The following GYG2 variants were observed in gnomAD, a reference collection of about 807,000 sequenced individuals.
GYG2 encodes glycogenin 2, also known as glycogenin-2.
In GYG2, 29 loss-of-function variants were observed where a neutral mutation model predicts 29.4. The observed-to-expected ratio is 0.99, with a 90% CI of 0.74 to 1.35. The LOEUF (loss-of-function observed/expected upper bound fraction) is 1.35. Ranked by LOEUF, GYG2 falls within the 40% of genes most tolerant of loss-of-function variation. GYG2 has a pLI of 0.00. For missense variants in GYG2, 370 were observed against 385.7 expected, an observed-to-expected ratio of 0.96 and a Z score of 0.34; for synonymous variants, 167 against 172.3, an observed-to-expected ratio of 0.97 and a Z score of 0.24.
intron 8 of GYG2, among the ~76,000 whole-genome samples, chrX:2,869,935 C>T (rs1379695458): frequency 8.9e-6 from 1 of 112,477 alleles, no homozygotes. Flanking sequence ...GGCCACCGTG[C>T]CTGCCCCAGA....
chrX:2,879,985 ATGGT>A (rs770968946), intron 10 of GYG2, among the ~76,000 whole-genome samples: 3 of 112,101 alleles, frequency 2.7e-5, no homozygotes, highest in African/African-American at 9.7e-5. Flanking sequence ...TAGATAATAG[ATGGT>A]TGGTAGATGA....
intron 2 of GYG2, among the ~76,000 whole-genome samples, chrX:2,842,777 T>C (rs1403497625): frequency 1.6e-4 from 17 of 109,523 alleles, no homozygotes; most frequent in African/African-American, 5.6e-4. Flanking sequence ...AGGAAGCATG[T>C]ATGCGAATTA....
rs895979983 is a variant in GYG2 at position 2,854,895 on chromosome X, G to A, written c.325-98G>A. ...CGCAGTGAGCCGAGACTGAAGCACT[G>A]CACTCCAGCCTGGGCGACAGAGCAA... On this transcript the variant is annotated intron_variant, in intron 4 of 10. Coordinates refer to ENST00000398806, the MANE Select transcript of GYG2 (RefSeq NM_001079855.2). The A allele has an allele frequency of 1.6e-4, 159 of 988,763 alleles. 1 individual carries two copies. The highest frequency in any genetic ancestry group is 2.1e-4 in the Non-Finnish European group (147 of 714,586). 81.5% of individuals were successfully genotyped at this position (988,763 alleles called of 1,213,427 possible).
chrX:2,866,998 C>T (rs1176154911), intron 8 of GYG2, among the ~76,000 whole-genome samples: 2 of 110,031 alleles, frequency 1.8e-5, no homozygotes, highest in African/African-American at 3.3e-5. Context: ...GGAGAATCGC[C>T]GGTTTCCAGG....
chrX:2,867,006 A>C (rs1305183485), intron 8 of GYG2, among the ~76,000 whole-genome samples: 3 of 110,155 alleles, frequency 2.7e-5, no homozygotes, highest in African/African-American at 9.9e-5. Context: ...GCCGGTTTCC[A>C]GGGCCCAGAA....
At chrX:2,858,235 C>T (rs780773120) in intron 6 of GYG2, among the ~76,000 whole-genome samples, 3 of 110,326 alleles carry the variant, frequency 2.7e-5, no homozygotes, top group Non-Finnish European at 3.8e-5. Context: ...CCGAGGTGGG[C>T]GGATCACTTG....
At chrX:2,849,371 G>A (rs2087816946) in intron 3 of GYG2, among the ~76,000 whole-genome samples, 2 of 111,542 alleles carry the variant, frequency 1.8e-5, no homozygotes, top group African/African-American at 3.3e-5. Context: ...ACAAATAAAT[G>A]TCGAGTCCAA....
chrX:2,879,681 AAATG>A (rs1193180408), intron 10 of GYG2, among the ~76,000 whole-genome samples: 1 of 112,707 alleles, frequency 8.9e-6, no homozygotes, highest in Non-Finnish European at 1.9e-5. Flanking sequence ...GATGATAGAT[AAATG>A]AATGATAGAG....
intron 6 of GYG2, among the ~76,000 whole-genome samples, chrX:2,859,458 T>C (rs1158178947): frequency 9.0e-6 from 1 of 111,035 alleles, no homozygotes; most frequent in African/African-American, 3.3e-5. Context: ...AGTACTATGT[T>C]GATAATAGTA....
intron 2 of GYG2, among the ~76,000 whole-genome samples, chrX:2,831,258 GT>G (rs1243700682): frequency 8.9e-6 from 1 of 112,215 alleles, no homozygotes; most frequent in Non-Finnish European, 1.9e-5. Context: ...TAGAGACAGG[GT>G]CTTGCTATGT....
At chrX:2,878,704 G>A (rs191571550) in intron 10 of GYG2, among the ~76,000 whole-genome samples, 164 of 112,170 alleles carry the variant, frequency 1.5e-3, no homozygotes, top group African/African-American at 5.0e-3. Flanking sequence ...TAAAGATGAG[G>A]AAGATTTCGG....
At position 2,877,928 on chromosome X, in the gene GYG2, C is replaced by T. The variant is rs1383215035; in HGVS notation, c.1251+621C>T. The T allele has an allele frequency of 1.1e-5, 8 of 746,825 alleles. No homozygotes were observed. The South Asian group carries it at 2.1e-4, about 19-fold the overall frequency. 61.5% of individuals were successfully genotyped at this position (746,825 alleles called of 1,213,427 possible). A position where few individuals can be genotyped will look rare whatever the true frequency, so the allele number is the denominator to read the frequency against. On this transcript the variant is annotated intron_variant, in intron 10 of 10. Transcript: ENST00000398806. ...GTCTAGACTGAAAGTTGGTATTGAA[C>T]GCATGTTTAGAGTGTGACCTACTGT...
At chrX:2,841,164 G>A (rs1414072975) in intron 2 of GYG2, among the ~76,000 whole-genome samples, 2 of 107,531 alleles carry the variant, frequency 1.9e-5, no homozygotes, top group Non-Finnish European at 3.9e-5. Flanking sequence ...TGATAGATAG[G>A]GATAGATAGA....
intron 2 of GYG2, among the ~76,000 whole-genome samples, chrX:2,833,700 C>T (rs1343086354): frequency 2.7e-5 from 3 of 112,534 alleles, no homozygotes; most frequent in African/African-American, 9.7e-5. Context: ...TCAGTTGTCA[C>T]TGAGATCCTC....
At chrX:2,858,655 T>C (rs764489750) in intron 6 of GYG2, among the ~76,000 whole-genome samples, 1 of 111,751 alleles carries the variant, frequency 8.9e-6, no homozygotes, top group African/African-American at 3.2e-5. Flanking sequence ...GAGGACACGG[T>C]GTCCCTAAGG....
intron 2 of GYG2, among the ~76,000 whole-genome samples, chrX:2,840,701 A>G (rs2147142315): frequency 9.0e-6 from 1 of 111,430 alleles, no homozygotes; most frequent in African/African-American, 3.3e-5. Flanking sequence ...AGATAGATGG[A>G]TGGCTAATAG....
At chrX:2,845,954 TTTC>T (rs2087708082) in intron 3 of GYG2, among the ~76,000 whole-genome samples, 1 of 93,904 alleles carries the variant, frequency 1.1e-5, no homozygotes, top group Non-Finnish European at 2.1e-5. Context: ...ACTTGGATAA[TTTC>T]TTCACTGATT....
chrX:2,842,816 ATTT>A (rs397823825), intron 2 of GYG2, among the ~76,000 whole-genome samples: 2 of 94,393 alleles, frequency 2.1e-5, no homozygotes, highest in African/African-American at 3.8e-5. Context: ...GCAAGTCGTG[ATTT>A]TTTTTTTTTT....
Position 2,830,107 on chromosome X carries a change from G to A in GYG2, c.-82G>A, listed in dbSNP as rs2087229320. 3.0e-6 allele frequency: 3 copies of A among 1,005,569 alleles called. No individual in the cohort carries two copies. Among genetic ancestry groups the A allele is most frequent in the African/African-American group, 3.7e-5 (2 of 54,183 alleles). 82.9% of individuals were successfully genotyped at this position (1,005,569 alleles called of 1,213,427 possible). A position where few individuals can be genotyped will look rare whatever the true frequency, so the allele number is the denominator to read the frequency against. On this transcript the variant is annotated 5_prime_UTR_variant, in exon 2 of 11. Transcript: ENST00000398806. ...CCCGGAGACGGCGCCTCTGCTCTGC[G>A]GGTTCGTGGCGAGGAAGTCCACCCA...
Sources: allele counts gnomAD v4.1 joint callset (sites outside exome capture counted in the v4.1 genomes callset), GRCh38; gene constraint gnomAD v4.1.1; transcripts MANE v1.5; gene names NCBI Gene and HGNC (gene_info 2026-07-23, HGNC 2026-07-21).